The following DOCK4 variants were observed in gnomAD, a reference collection of about 807,000 sequenced individuals.
DOCK4 encodes dedicator of cytokinesis protein 4.
In DOCK4, 97 loss-of-function variants were observed where a neutral mutation model predicts 268.1. The ratio of observed to expected loss-of-function variants is 0.36; its 90% confidence interval spans 0.31 to 0.43. The LOEUF (loss-of-function observed/expected upper bound fraction) is 0.43, where lower values mean the gene tolerates loss of function less well. DOCK4 is among the 20% of genes least tolerant of loss of function. The pLI, the probability that DOCK4 is intolerant of heterozygous loss-of-function variation, is 1.00. For missense variants in DOCK4, 2,145 were observed against 2,455.7 expected (o/e 0.87, Z 2.67); for synonymous variants, 954 against 887.2 (o/e 1.08, Z -1.34).
intron 10 of DOCK4, among the ~76,000 whole-genome samples, chr7:111,944,073 T>C (rs768643041): frequency 6.6e-6 from 1 of 152,186 alleles, no homozygotes; most frequent in Non-Finnish European, 1.5e-5. Context: ...TTTCACCTAA[T>C]TCCTCTGCCA....
chr7:111,758,677 G>T lies in DOCK4; in HGVS notation c.4276C>A (p.Arg1426Ser). Residue 1426 changes from arginine (R) to serine (S), a missense_variant, in exon 41 of 53, where the codon CGC becomes AGC. Physicochemically the swap from Arg to Ser is moderately radical, Grantham distance 110 (BLOSUM62 -1). This residue lies in a region of DOCK4 where 1,598 missense variants were observed against 1,986.7 expected (regional missense o/e 0.80). Coordinates refer to ENST00000428084, the MANE Select transcript of DOCK4 (RefSeq NM_001363540.2). ...FYKVNHIWKF[R>S]YDRPFHKGTK... ...CCTTTGTGAAATGGTCGGTCATAGC[G>T]GAATTTCCAGATGTGATTCACTTTA... 1 of 1,613,908 alleles carries T rather than the reference G, an allele frequency of 6.2e-7. No individual in the cohort carries two copies. The highest frequency in any genetic ancestry group is 8.5e-7 in the Non-Finnish European group (1 of 1,179,854).
intron 13 of DOCK4, among the ~76,000 whole-genome samples, chr7:111,906,093 G>A (rs991390619): frequency 2.4e-4 from 36 of 152,038 alleles, no homozygotes; most frequent in Non-Finnish European, 1.6e-4. Flanking sequence ...CATTACCTAT[G>A]AAAACCTGTA....
At chr7:111,736,201 C>G (rs1009554364) in intron 50 of DOCK4, among the ~76,000 whole-genome samples, 3 of 152,142 alleles carry the variant, frequency 2.0e-5, no homozygotes, top group Admixed American at 6.5e-5. Flanking sequence ...AGGCACTTTC[C>G]CAGACTATTT....
In DOCK4 at chr7:111,739,631, A is replaced by G. The variant is rs1441977558; in HGVS notation, c.5041-154T>C. Reference sequence around the variant, plus strand: ...TCTTAATAACTTAGATTGACAAAGAAGTCTGCATGAATTAATGAAAAGTCT... The same window carrying G: ...TCTTAATAACTTAGATTGACAAAGAGGTCTGCATGAATTAATGAAAAGTCT... On this transcript the variant is annotated intron_variant, in intron 47 of 52. Transcript: ENST00000428084. The G allele has an allele frequency of 1.4e-5, 9 of 647,736 alleles. No individual in the cohort carries two copies. In the East Asian group the frequency reaches 2.2e-4, roughly 16 times the overall value. 40.1% of individuals were successfully genotyped at this position (647,736 alleles called of 1,614,324 possible).
intron 51 of DOCK4, among the ~76,000 whole-genome samples, chr7:111,734,363 T>G (rs1287865397): frequency 6.6e-6 from 1 of 152,136 alleles, no homozygotes; most frequent in Non-Finnish European, 1.5e-5. Flanking sequence ...ATTTTTATAT[T>G]TTTTGTAGAG....
chr7:111,801,533 ATG>A (rs1191161228), intron 30 of DOCK4, among the ~76,000 whole-genome samples: 1 of 152,106 alleles, frequency 6.6e-6, no homozygotes, highest in African/African-American at 2.4e-5. Flanking sequence ...CATACCCATT[ATG>A]TGTGAGGAAG....
chr7:111,920,115 T>C (rs141192207), intron 12 of DOCK4, among the ~76,000 whole-genome samples: 1 of 152,108 alleles, frequency 6.6e-6, no homozygotes, highest in African/African-American at 2.4e-5. Context: ...TTACCAGGGA[T>C]TGGAGAGGGT....
At chr7:112,134,146 T>G (rs983500665) in intron 1 of DOCK4, among the ~76,000 whole-genome samples, 1 of 152,194 alleles carries the variant, frequency 6.6e-6, no homozygotes, top group African/African-American at 2.4e-5. Context: ...CAATTGTAAT[T>G]AGACTAAGTC....
chr7:111,858,033 A>C (rs988554382), intron 23 of DOCK4, among the ~76,000 whole-genome samples: 4 of 152,174 alleles, frequency 2.6e-5, no homozygotes, highest in African/African-American at 9.7e-5. Context: ...AGGTTTGGTC[A>C]GATGTTCTAG....
At position 111,882,080 on chromosome 7, in the gene DOCK4, T is replaced by G. The variant is rs539535002; in HGVS notation, c.1588-4894A>C. 4.9e-4 allele frequency among the ~76,000 whole-genome samples: 74 copies of G among 152,298 alleles called. 4 individuals are homozygous for G. The South Asian group carries it at 0.015, about 32-fold the overall frequency. ...TTTAAAAATAACTAAAATGTATAAT[T>G]GGATTGTTTGTAATACAAGGGATAA... On this transcript the variant is annotated intron_variant, in intron 16 of 52. Transcript: ENST00000428084.
intron 22 of DOCK4, among the ~76,000 whole-genome samples, chr7:111,865,307 G>A (rs1036454009): frequency 6.6e-6 from 1 of 152,192 alleles, no homozygotes; most frequent in Non-Finnish European, 1.5e-5. Flanking sequence ...TGCATTTGGG[G>A]CAGGAGGACT....
chr7:112,011,720 A>G (rs1481572943), intron 1 of DOCK4, among the ~76,000 whole-genome samples: 1 of 149,226 alleles, frequency 6.7e-6, no homozygotes, highest in African/African-American at 2.5e-5. Flanking sequence ...GTCCTTTCCT[A>G]AGTGGCTACA....
chr7:112,151,538 C>T (rs1366858001), intron 1 of DOCK4, among the ~76,000 whole-genome samples: 1 of 152,124 alleles, frequency 6.6e-6, no homozygotes, highest in Non-Finnish European at 1.5e-5. Flanking sequence ...CAGAGGGACA[C>T]CACTGGATCT....
In DOCK4 at chr7:111,975,502, A is replaced by G. The variant is rs187852079; in HGVS notation, c.701+1630T>C. 2.8e-3 allele frequency among the ~76,000 whole-genome samples: 426 copies of G among 152,320 alleles called. 2 individuals carry two copies. The highest frequency in any genetic ancestry group is 9.9e-3 in the African/African-American group (410 of 41,568). On this transcript the variant is annotated intron_variant, in intron 8 of 52. Transcript: ENST00000428084. The stretch of plus-strand genomic sequence containing the variant: ...ACATTTCTAAAGTCTAACTTGGATC[A>G]GTTTTTCACGCCTTTTACTTCCCTT...
At chr7:111,849,005 G>C (rs190710013) in intron 23 of DOCK4, among the ~76,000 whole-genome samples, 8 of 152,324 alleles carry the variant, frequency 5.3e-5, no homozygotes, top group South Asian at 4.1e-4. Context: ...GACTTCAAAA[G>C]AAGTACTTCA....
At chr7:111,945,232 C>G (rs1378305607) in intron 9 of DOCK4, among the ~76,000 whole-genome samples, 1 of 152,206 alleles carries the variant, frequency 6.6e-6, no homozygotes, top group Non-Finnish European at 1.5e-5. Context: ...GTTGCCCAGG[C>G]AGGAGTGCAG....
intron 1 of DOCK4, among the ~76,000 whole-genome samples, chr7:112,170,106 C>T (rs570313809): frequency 3.3e-5 from 5 of 151,742 alleles, no homozygotes; most frequent in South Asian, 2.1e-4. Flanking sequence ...TATAAGTGAT[C>T]GTCTTATGAC....
chr7:111,809,998 AAAG>A (rs1800973176), intron 28 of DOCK4, among the ~76,000 whole-genome samples: 1 of 152,200 alleles, frequency 6.6e-6, no homozygotes, highest in African/African-American at 2.4e-5. Context: ...CAAAAAAAAA[AAAG>A]GACATAATGG....
At chr7:111,870,209 A>G (rs1044109867) in intron 20 of DOCK4, among the ~76,000 whole-genome samples, 2 of 151,598 alleles carry the variant, frequency 1.3e-5, no homozygotes, top group African/African-American at 4.9e-5. Context: ...GGCCAAGGTA[A>G]TTTTTTTTCC....
Sources: allele counts gnomAD v4.1 joint callset (sites outside exome capture counted in the v4.1 genomes callset), GRCh38; gene constraint gnomAD v4.1.1; regional missense constraint gnomAD v4.1.1; transcripts MANE v1.5; gene names NCBI Gene and HGNC (gene_info 2026-07-23, HGNC 2026-07-21).